Variants in CFB observed in about 807,000 individuals in gnomAD.
CFB encodes B-factor, properdin.
CFB carries 59 observed loss-of-function variants against 97.2 expected under a neutral mutation model. That is an observed-to-expected ratio of 0.61 (90% CI 0.49 to 0.75). The LOEUF is 0.75. Ranked by LOEUF, CFB falls within the 30% of genes least tolerant of loss-of-function variation. CFB has a pLI of 0.00. For missense variants in CFB, 771 were observed against 959.8 expected (o/e 0.80, Z 2.60); for synonymous variants, 316 against 351.7 (o/e 0.90, Z 1.14).
Position 31,951,588 on chromosome 6 carries a change from G to A in CFB, c.2123G>A (p.Arg708Lys). The A allele has an allele frequency of 6.2e-7, 1 of 1,614,200 alleles. No individual in the cohort carries two copies. Residue 708 changes from arginine (R) to lysine (K), a missense_variant, in exon 17 of 18, where the codon AGA (arginine) becomes AAA (lysine). Transcript: ENST00000425368. The surrounding 1 kb of genome is among the most constrained non-coding windows in gnomAD (Gnocchi z 4.3). ...GGCGGCCCCTTGATAGTTCACAAGA[G>A]AAGTCGTTTCATTCAAGTGAGTCCT... ...DSGGPLIVHKRSRFIQVGVIS... is the reference protein window; with the variant it reads ...DSGGPLIVHKKSRFIQVGVIS...
chr6:31,950,018 C>T (rs752459529), intron 10 of CFB, 32 bp from the exon 11 acceptor site: 23 of 1,607,466 alleles, frequency 1.4e-5, no homozygotes, highest in African/African-American at 9.3e-5. Flanking sequence ...TGAAGTGTTC[C>T]GAGTTTTCAG....
Position 31,951,019 on chromosome 6 carries a change from G to C in CFB, c.1855+75G>C. 1 of 1,582,024 alleles carries C rather than the reference G, an allele frequency of 6.3e-7. No homozygotes were observed. Among genetic ancestry groups the C allele is most frequent in the African/African-American group, 1.3e-5 (1 of 74,366 alleles). ...GGGGCATGAGAGGGAGGTGCAATAG[G>C]AAGAGATGATGCCTGGCCCAGAACC... On this transcript the variant is annotated intron_variant, in intron 14 of 17. Coordinates refer to ENST00000425368, the MANE Select transcript of CFB (RefSeq NM_001710.6). The surrounding 1 kb of genome is among the most constrained non-coding windows in gnomAD (Gnocchi z 4.3).
intron 11 of CFB, 28 bp from the exon 12 acceptor site, chr6:31,950,258 C>G (rs1479051993): frequency 3.7e-6 from 6 of 1,608,280 alleles, no homozygotes; most frequent in Non-Finnish European, 4.3e-6. Context: ...GAAAGTTGAG[C>G]TTTCCCTCTC....
At position 31,946,925 on chromosome 6, in the gene CFB, A is replaced by C. The variant is rs576512394; in HGVS notation, c.299-82A>C. ...ACTGGGAATGCGCTGTTTCTCAGTG[A>C]CATGGTCTCCGAGACCAGGAGGGAT... On this transcript the variant is annotated intron_variant, in intron 2 of 17. Coordinates refer to ENST00000425368, the MANE Select transcript of CFB (RefSeq NM_001710.6). This position sits in a 1 kb window ranked among gnomAD's most constrained non-coding sequence, Gnocchi z 6.4. The C allele has an allele frequency of 6.9e-7, 1 of 1,442,330 alleles. No individual in the cohort carries two copies. Among genetic ancestry groups the C allele is most frequent in the East Asian group, 2.3e-5 (1 of 43,950 alleles). The allele number at this position is 1,442,330 out of a possible 1,614,324, so 89.3% of individuals were successfully genotyped here. A position where few individuals can be genotyped will look rare whatever the true frequency, so the allele number is the denominator to read the frequency against.
intron 6 of CFB, 136 bp downstream of exon 6, chr6:31,948,217 T>C: frequency 6.7e-7 from 1 of 1,495,416 alleles, no homozygotes. Flanking sequence ...CCTCCTTCCC[T>C]TTTACTTGAA....
Position 31,946,726 on chromosome 6 carries a change from GT to G in CFB, c.298+124del. On this transcript the variant is annotated intron_variant, in intron 2 of 17. Coordinates refer to ENST00000425368, the MANE Select transcript of CFB (RefSeq NM_001710.6). The surrounding 1 kb of genome is among the most constrained non-coding windows in gnomAD (Gnocchi z 6.4). ...GGTGGGCTGACCGGGAGTAGGAGCA[GT>G]TTTAGGGTGGCAGGCGGAAAGGGGG... 1.0e-6 allele frequency: 1 copy of G among 988,396 alleles called. No individual in the cohort carries two copies. Among genetic ancestry groups the G allele is most frequent in the Non-Finnish European group, 1.5e-6 (1 of 645,954 alleles). The allele number at this position is 988,396 out of a possible 1,614,324, so 61.2% of individuals were successfully genotyped here. A position where few individuals can be genotyped will look rare whatever the true frequency, so the allele number is the denominator to read the frequency against.
chr6:31,946,519 G>A lies in CFB; in HGVS notation c.211G>A (p.Val71Met). 1 of 1,613,046 alleles carries A rather than the reference G, an allele frequency of 6.2e-7. No individual in the cohort carries two copies. The highest frequency in any genetic ancestry group is 8.5e-7 in the Non-Finnish European group (1 of 1,180,042). ...VCPSGFYPYP[V>M]QTRTCRSTGS... is the part of the protein sequence containing the mutation. ...TCCTTCTGGCTTCTACCCGTACCCTGTGCAGACACGTACCTGCAGATCTAC... is the reference window on the plus strand; with the variant it reads ...TCCTTCTGGCTTCTACCCGTACCCTATGCAGACACGTACCTGCAGATCTAC... The change falls in exon 2 of 18, where the codon GTG becomes ATG. Residue 71 changes from valine (V) to methionine (M), a missense_variant. By Grantham distance (21) the Val-to-Met change is conservative. Transcript: ENST00000425368. This position sits in a 1 kb window ranked among gnomAD's most constrained non-coding sequence, Gnocchi z 6.4.
rs749518036 is a variant in CFB, at chr6:31,947,345, C to T, written c.485-3C>T. The T allele has an allele frequency of 6.2e-7, 1 of 1,613,008 alleles. No homozygotes were observed. The highest frequency in any genetic ancestry group is 8.5e-7 in the Non-Finnish European group (1 of 1,180,030). On this transcript the variant is annotated splice_region_variant and splice_polypyrimidine_tract_variant and intron_variant, in intron 3 of 17. Transcript: ENST00000425368. The surrounding 1 kb of genome is among the most constrained non-coding windows in gnomAD (Gnocchi z 5.3). ...CTTACCTCGATGTCTCATACCTCTG[C>T]AGCGGGGTACTGCTCCAACCCGGGC...
chr6:31,946,326 C>G lies in CFB; in HGVS notation c.64+41C>G, dbSNP rs763467671. 6.8e-6 allele frequency: 11 copies of G among 1,612,764 alleles called. No individual in the cohort carries two copies. Among genetic ancestry groups the G allele is most frequent in the Non-Finnish European group, 9.3e-6 (11 of 1,179,854 alleles). ...CTTCCCTTCCTGCTGTCTCCAGCAT[C>G]CCTCCTTGGCCTTTTGGGGCCAGGC... On this transcript the variant is annotated intron_variant, in intron 1 of 17. Coordinates refer to ENST00000425368, the MANE Select transcript of CFB (RefSeq NM_001710.6). This position sits in a 1 kb window ranked among gnomAD's most constrained non-coding sequence, Gnocchi z 6.4.
chr6:31,949,487 A>G lies in CFB; in HGVS notation c.1338A>G (p.Lys446=). 1 of 1,614,052 alleles carries G rather than the reference A, an allele frequency of 6.2e-7. No homozygotes were observed. Among genetic ancestry groups the G allele is most frequent in the African/African-American group, 1.3e-5 (1 of 75,062 alleles). The change falls in exon 10 of 18, where the codon AAA becomes AAG. Residue 446 remains lysine (K), a synonymous_variant. Coordinates refer to ENST00000425368, the MANE Select transcript of CFB (RefSeq NM_001710.6). The stretch of plus-strand genomic sequence containing the variant: ...ACATCAATGCTTTGGCTTCCAAGAA[A>G]GACAATGAGCAACATGTGTTCAAAG... ...QVNINALASK[K]DNEQHVFKVK...
rs1330768352 is a variant in CFB at position 31,948,866 on chromosome 6, C to T, written c.1073C>T (p.Ala358Val). 1 of 1,612,886 alleles carries T rather than the reference C, an allele frequency of 6.2e-7. No homozygotes were observed. The highest frequency in any genetic ancestry group is 8.5e-7 in the Non-Finnish European group (1 of 1,180,026). ...AAGTCAGGGACTAACACCAAGAAGG[C>T]CCTCCAGGCAGTGTACAGCATGATG... is the stretch of plus-strand genomic sequence containing the variant. The part of the protein sequence containing the change: ...KLKSGTNTKK[A>V]LQAVYSMMSW... Residue 358 changes from alanine to valine, a missense_variant, in exon 8 of 18, where the codon GCC becomes GTC. Physicochemically the swap from Ala to Val is moderately conservative, Grantham distance 64 (BLOSUM62 0). Coordinates refer to ENST00000425368, the MANE Select transcript of CFB (RefSeq NM_001710.6).
Position 31,951,231 on chromosome 6 carries a change from A to G in CFB, c.1943A>G (p.Lys648Arg). 1 of 1,613,188 alleles carries G rather than the reference A, an allele frequency of 6.2e-7. No individual in the cohort carries two copies. Among genetic ancestry groups the G allele is most frequent in the Non-Finnish European group, 8.5e-7 (1 of 1,180,012 alleles). Residue 648 changes from lysine to arginine, a missense_variant, in exon 15 of 18, where the codon AAG (lysine) becomes AGG (arginine). Physicochemically the swap from Lys to Arg is conservative, Grantham distance 26. Coordinates refer to ENST00000425368, the MANE Select transcript of CFB (RefSeq NM_001710.6). The surrounding 1 kb of genome is among the most constrained non-coding windows in gnomAD (Gnocchi z 4.3). ...CTGACTCGGAAGGAGGTCTACATCAAGAATGGGGATAAGGTGAGAAACGGG... is the reference window on the plus strand; with the variant it reads ...CTGACTCGGAAGGAGGTCTACATCAGGAATGGGGATAAGGTGAGAAACGGG... ...KKLTRKEVYI[K>R]NGDKKGSCER... is the part of the protein sequence containing the mutation.
rs1771611944 is a variant in CFB at position 31,949,269 on chromosome 6, A to G, written c.1195A>G (p.Ile399Val). 1 of 1,614,040 alleles carries G rather than the reference A, an allele frequency of 6.2e-7. No individual in the cohort carries two copies. Among genetic ancestry groups the G allele is most frequent in the Non-Finnish European group, 8.5e-7 (1 of 1,180,000 alleles). Residue 399 changes from isoleucine to valine, a missense_variant, in exon 9 of 18, where the codon ATT (isoleucine) becomes GTT (valine). By Grantham distance (29) the Ile-to-Val change is conservative. Coordinates refer to ENST00000425368, the MANE Select transcript of CFB (RefSeq NM_001710.6). ...ATTGCACAACATGGGCGGGGACCCA[A>G]TTACTGTCATTGATGAGATCCGGGA... ...DGLHNMGGDP[I>V]TVIDEIRDLL...
At chr6:31,948,680 A>G in intron 7 of CFB, 150 bp from the exon 8 acceptor site, 2 of 1,503,540 alleles carry the variant, frequency 1.3e-6, no homozygotes, top group East Asian at 4.6e-5. Context: ...TGGGGGCTGG[A>G]AGGGCCACTT....
Position 31,950,074 on chromosome 6 carries a change from G to A in CFB, c.1433G>A (p.Cys478Tyr), listed in dbSNP as rs2032065234. The stretch of plus-strand genomic sequence containing the variant: ...GATGAAAGCCAGTCTCTGAGTCTCT[G>A]TGGCATGGTTTGGGAACACAGGAAG... Reference protein sequence around the residue: ...MIDESQSLSLCGMVWEHRKGT... With the variant: ...MIDESQSLSLYGMVWEHRKGT... Residue 478 changes from cysteine to tyrosine, a missense_variant, in exon 11 of 18, where the codon TGT (cysteine) becomes TAT (tyrosine). Cys to Tyr is a radical substitution (Grantham distance 194). Transcript: ENST00000425368. 1 of 1,612,962 alleles carries A rather than the reference G, an allele frequency of 6.2e-7. No individual in the cohort carries two copies. The highest frequency in any genetic ancestry group is 1.3e-5 in the African/African-American group (1 of 74,918).
chr6:31,951,721 G>C lies in CFB; in HGVS notation c.2139+117G>C, dbSNP rs775240109. 4 of 1,565,288 alleles carry C rather than the reference G, an allele frequency of 2.6e-6. No individual in the cohort carries two copies. In the South Asian group the frequency reaches 4.4e-5, roughly 17 times the overall value. ...GGTAGGCAGAGCCTGCCTCACCTTA[G>C]GACCGCATGTCTTGCCTGCGTGTGT... On this transcript the variant is annotated intron_variant, in intron 17 of 17. Coordinates refer to ENST00000425368, the MANE Select transcript of CFB (RefSeq NM_001710.6). The surrounding 1 kb of genome is among the most constrained non-coding windows in gnomAD (Gnocchi z 4.3).
intron 9 of CFB, 34 bp from the exon 10 acceptor site, chr6:31,949,379 CCTCAGGG>C (rs761244873): frequency 6.2e-7 from 1 of 1,614,210 alleles, no homozygotes; most frequent in African/African-American, 1.3e-5. Flanking sequence ...CACCCCACTT[CCTCAGGG>C]CTTGGACCCT....
Position 31,950,279 on chromosome 6 carries a change from TC to T in CFB, c.1507-3del, listed in dbSNP as rs1264550843. 10 of 1,612,416 alleles carry T rather than the reference TC, an allele frequency of 6.2e-6. No homozygotes were observed. Among genetic ancestry groups the T allele is most frequent in the Non-Finnish European group, 8.5e-6 (10 of 1,179,590 alleles). On this transcript the variant is annotated splice_region_variant and splice_polypyrimidine_tract_variant and intron_variant, in intron 11 of 17. Coordinates refer to ENST00000425368, the MANE Select transcript of CFB (RefSeq NM_001710.6). ...TGAGCTTTCCCTCTCTACTGTTGTG[TC>T]CCCAGCGCCCTTCAAAGGGACACGA...
chr6:31,946,110 C>A lies in CFB; in HGVS notation c.-112C>A. On this transcript the variant is annotated 5_prime_UTR_variant, in exon 1 of 18. Coordinates refer to ENST00000425368, the MANE Select transcript of CFB (RefSeq NM_001710.6). This position sits in a 1 kb window ranked among gnomAD's most constrained non-coding sequence, Gnocchi z 6.4. ...TGGGGAGCAGGGGAAGGGAATGTGACCAGGTCTAGGTCTGGAGTTTCAGCT... is the reference window on the plus strand; with the variant it reads ...TGGGGAGCAGGGGAAGGGAATGTGAACAGGTCTAGGTCTGGAGTTTCAGCT... The A allele has an allele frequency of 9.2e-7, 1 of 1,092,440 alleles. No individual in the cohort carries two copies. The highest frequency in any genetic ancestry group is 1.4e-6 in the Non-Finnish European group (1 of 709,726). The allele number at this position is 1,092,440 out of a possible 1,614,324, so 67.7% of individuals were successfully genotyped here.
Sources: gnomAD v4.1 joint callset for allele counts on GRCh38, gnomAD v4.1.1 for gene constraint, Gnocchi (gnomAD v3.1) non-coding constraint, MANE v1.5 for transcripts, NCBI Gene and HGNC (gene_info 2026-07-23, HGNC 2026-07-21) for gene names.